The following CHSY3 variants were observed in gnomAD, a reference collection of about 807,000 sequenced individuals.
CHSY3 encodes N-acetylgalactosaminyl-proteoglycan 3-beta-glucuronosyltransferase 3.
CHSY3 carries 35 observed loss-of-function variants against 67.2 expected under a neutral mutation model. That is an observed-to-expected ratio of 0.52 (90% CI 0.40 to 0.69). The LOEUF is 0.69. CHSY3 is among the 30% of genes least tolerant of loss of function. The pLI, the probability that CHSY3 is intolerant of heterozygous loss-of-function variation, is 0.00. For missense variants in CHSY3, 1,069 were observed against 1,138.5 expected (o/e 0.94, Z 0.88); for synonymous variants, 474 against 434.7 (o/e 1.09, Z -1.12).
rs1249219858 is a variant in CHSY3, at chr5:129,908,102, A to G, written c.828A>G (p.Arg276=). The G allele has an allele frequency of 1.2e-6, 2 of 1,612,960 alleles. No individual in the cohort carries two copies. Among genetic ancestry groups the G allele is most frequent in the African/African-American group, 2.7e-5 (2 of 74,954 alleles). The change falls in exon 2 of 3, where the codon AGA becomes AGG. Residue 276 remains arginine, a synonymous_variant. Coordinates refer to ENST00000305031, the MANE Select transcript of CHSY3 (RefSeq NM_175856.5). ...IKGDKLEEFL[R]SLNSSKPLYL... ...GTGATAAATTAGAAGAGTTTCTTAG[A>G]TCGCTAAACAGCAGTAAGCCTCTCT... is the stretch of plus-strand genomic sequence containing the variant.
At position 129,979,916 on chromosome 5, in the gene CHSY3, A is replaced by G. The variant is rs1180275306; in HGVS notation, c.1086+71556A>G. Among the ~76,000 whole-genome samples the G allele has an allele frequency of 2.6e-5, 4 of 152,250 alleles. No homozygotes were observed. The Middle Eastern group carries it at 0.01, about 388-fold the overall frequency. ...ATTTAAGATTCTCCTATGTCTTTTA[A>G]TGGCTTAATAACTCATTTCTTTTAA... On this transcript the variant is annotated intron_variant, in intron 2 of 2. Transcript: ENST00000305031.
rs550111017 is a variant in CHSY3 at position 129,970,696 on chromosome 5, G to A, written c.1086+62336G>A. ...TGATATTGTAGATGCAATTTTCTTT[G>A]TATAACTGCATAATTTTTCTCATAC... On this transcript the variant is annotated intron_variant, in intron 2 of 2. Transcript: ENST00000305031. 1.7e-3 allele frequency among the ~76,000 whole-genome samples: 252 copies of A among 151,812 alleles called. 4 individuals carry two copies. The highest frequency in any genetic ancestry group is 1.8e-4 in the Non-Finnish European group (12 of 67,816).
At chr5:129,995,138 A>G (rs1763497437) in intron 2 of CHSY3, among the ~76,000 whole-genome samples, 1 of 152,112 alleles carries the variant, frequency 6.6e-6, no homozygotes, top group Non-Finnish European at 1.5e-5. Context: ...CACCCTAGTG[A>G]TGTGTAGAGG....
At position 130,184,240 on chromosome 5, in the gene CHSY3, G is replaced by T. The variant is rs967993676; in HGVS notation, c.1098G>T (p.Leu366=). 2 of 1,538,842 alleles carry T rather than the reference G, an allele frequency of 1.3e-6. No individual in the cohort carries two copies. Among genetic ancestry groups the T allele is most frequent in the Admixed American group, 2.0e-5 (1 of 49,996 alleles). The change falls in exon 3 of 3, where the codon CTG becomes CTT. Residue 366 remains leucine, a synonymous_variant. Transcript: ENST00000305031. ...ATTTTACTTTTCAGATGCAACAACTGTTCCATGAAAATTATGAACACAATC... is the reference window on the plus strand; with the variant it reads ...ATTTTACTTTTCAGATGCAACAACTTTTCCATGAAAATTATGAACACAATC... ...QCVWSYEMQQ[L]FHENYEHNRK... is the part of the protein sequence containing the mutation.
intron 2 of CHSY3, among the ~76,000 whole-genome samples, chr5:129,957,369 A>G (rs1762207174): frequency 6.1e-5 from 1 of 16,390 alleles, no homozygotes; most frequent in African/African-American, 6.6e-4. Flanking sequence ...TTTTGAGCCG[A>G]GACTGGGGTT....
intron 2 of CHSY3, among the ~76,000 whole-genome samples, chr5:130,108,267 A>G (rs1767475372): frequency 6.6e-6 from 1 of 151,622 alleles, no homozygotes; most frequent in South Asian, 2.1e-4. Flanking sequence ...TTATCTAAAC[A>G]TCAAGCTCAT....
intron 2 of CHSY3, among the ~76,000 whole-genome samples, chr5:130,083,673 A>C (rs1181780325): frequency 6.6e-6 from 1 of 152,048 alleles, no homozygotes; most frequent in Non-Finnish European, 1.5e-5. Flanking sequence ...CATTTTAGCA[A>C]GCTTTCTCCA....
intron 2 of CHSY3, among the ~76,000 whole-genome samples, chr5:129,918,822 A>AC (rs1760817465): frequency 1.3e-5 from 2 of 150,960 alleles, no homozygotes; most frequent in Admixed American, 1.3e-4. Flanking sequence ...AAAAAAAAAA[A>AC]ATTGGCCGGG....
intron 2 of CHSY3, among the ~76,000 whole-genome samples, chr5:130,169,541 A>T (rs1769841625): frequency 6.6e-6 from 1 of 152,128 alleles, no homozygotes; most frequent in East Asian, 1.9e-4. Flanking sequence ...CAAACAAAAA[A>T]ATCCTAAGTT....
At chr5:129,961,171 T>C (rs529363777) in intron 2 of CHSY3, among the ~76,000 whole-genome samples, 1 of 152,190 alleles carries the variant, frequency 6.6e-6, no homozygotes, top group African/African-American at 2.4e-5. Context: ...TCCTTCCCTC[T>C]TTAAATTCAG....
chr5:129,958,348 G>C (rs936052481), intron 2 of CHSY3, among the ~76,000 whole-genome samples: 1 of 152,022 alleles, frequency 6.6e-6, no homozygotes, highest in Non-Finnish European at 1.5e-5. Flanking sequence ...TTCCAGCTGG[G>C]CCTTTCTTGG....
intron 2 of CHSY3, among the ~76,000 whole-genome samples, chr5:130,088,484 A>G (rs1307555108): frequency 6.6e-6 from 1 of 152,140 alleles, no homozygotes; most frequent in Non-Finnish European, 1.5e-5. Flanking sequence ...CATCTGACAA[A>G]GGGCTAATAT....
chr5:130,178,357 G>A (rs1327406584), intron 2 of CHSY3, among the ~76,000 whole-genome samples: 1 of 147,824 alleles, frequency 6.8e-6, no homozygotes, highest in Admixed American at 6.8e-5. Flanking sequence ...TCGGGTTCAC[G>A]CCATTCTTCC....
intron 2 of CHSY3, among the ~76,000 whole-genome samples, chr5:130,143,847 T>TATATATGC (rs1768991867): frequency 7.7e-6 from 1 of 130,170 alleles, no homozygotes; most frequent in Non-Finnish European, 1.6e-5. Flanking sequence ...TATATATATA[T>TATATATGC]GCCAATTCAG....
intron 2 of CHSY3, among the ~76,000 whole-genome samples, chr5:130,045,224 C>G (rs1333926042): frequency 6.6e-6 from 1 of 152,044 alleles, no homozygotes; most frequent in Non-Finnish European, 1.5e-5. Flanking sequence ...TCATCTTCAC[C>G]TCCTGGACCT....
Position 129,905,355 on chromosome 5 carries a change from G to C in CHSY3, c.526G>C (p.Gly176Arg). 4 of 1,571,246 alleles carry C rather than the reference G, an allele frequency of 2.5e-6. No individual in the cohort carries two copies. Among genetic ancestry groups the C allele is most frequent in the Non-Finnish European group, 3.4e-6 (4 of 1,162,056 alleles). ...CCGACCCCGGGACTTCCTGTACGTG[G>C]GGGTGATGACCGCGCAGAAGTACCT... ...SARPRDFLYV[G>R]VMTAQKYLGS... is the part of the protein sequence containing the mutation. Residue 176 changes from glycine to arginine, a missense_variant, in exon 1 of 3, where the codon GGG becomes CGG. Coordinates refer to ENST00000305031, the MANE Select transcript of CHSY3 (RefSeq NM_175856.5).
chr5:130,042,364 G>A (rs139077304), intron 2 of CHSY3, among the ~76,000 whole-genome samples: 43 of 152,048 alleles, frequency 2.8e-4, no homozygotes, highest in African/African-American at 8.9e-4. Flanking sequence ...TAATTATTCA[G>A]GCAAATCTTT....
chr5:130,087,748 C>G (rs1766703839), intron 2 of CHSY3, among the ~76,000 whole-genome samples: 1 of 151,912 alleles, frequency 6.6e-6, no homozygotes, highest in African/African-American at 2.4e-5. Flanking sequence ...ACATTCCATG[C>G]TCATGGGTAG....
chr5:129,957,203 A>G (rs959905416), intron 2 of CHSY3, among the ~76,000 whole-genome samples: 1 of 151,746 alleles, frequency 6.6e-6, no homozygotes, highest in African/African-American at 2.4e-5. Context: ...CTATGTTTCT[A>G]TGTATTTTAT....
Sources: allele counts gnomAD v4.1 joint callset (sites outside exome capture counted in the v4.1 genomes callset), GRCh38; gene constraint gnomAD v4.1.1; transcripts MANE v1.5; gene names NCBI Gene and HGNC (gene_info 2026-07-23, HGNC 2026-07-21).